The following PDCD2L variants were observed in gnomAD, a reference collection of about 807,000 sequenced individuals.
PDCD2L encodes the protein programmed cell death 2 like.
A neutral mutation model predicts 40.4 loss-of-function variants in PDCD2L; 44 were observed. That is an observed-to-expected ratio of 1.09 (90% confidence interval 0.86 to 1.40). The LOEUF (loss-of-function observed/expected upper bound fraction) is 1.40, where lower values mean the gene tolerates loss of function less well. Among genes scored for constraint, PDCD2L ranks in the 40% most tolerant of loss-of-function variants. PDCD2L has a pLI of 0.00. For missense variants in PDCD2L, 470 were observed against 453.7 expected, an observed-to-expected ratio of 1.04 and a Z score of -0.33; for synonymous variants, 194 against 174.6, an observed-to-expected ratio of 1.11 and a Z score of -0.88.
In PDCD2L at chr19:34,421,571, A is replaced by G. The variant is rs1422994605; in HGVS notation, c.850A>G (p.Thr284Ala). ...TTTGACCTGCCCTACATCAGAAGTC[A>G]CCGAGCTCCCAGCCTGCAGCCAGTG... ...LFLTCPTSEV[T>A]ELPACSQCGG... is the part of the protein sequence containing the mutation. The change falls in exon 6 of 7, where the codon ACC becomes GCC. Residue 284 changes from threonine to alanine, a missense_variant. Thr to Ala is a moderately conservative substitution (Grantham distance 58, BLOSUM62 0). Coordinates refer to ENST00000246535, the MANE Select transcript of PDCD2L (RefSeq NM_032346.2). 6.2e-7 allele frequency: 1 copy of G among 1,614,114 alleles called. No individual in the cohort carries two copies. Among genetic ancestry groups the G allele is most frequent in the South Asian group, 1.1e-5 (1 of 91,080 alleles).
intron 6 of PDCD2L, among the ~76,000 whole-genome samples, chr19:34,422,604 C>T (rs531292301): frequency 6.6e-6 from 1 of 151,880 alleles, no homozygotes; most frequent in Admixed American, 6.5e-5. Flanking sequence ...AATAATTTTC[C>T]TAAAATAGGA....
intron 3 of PDCD2L, chr19:34,408,954 C>T (rs534140180): frequency 3.4e-6 from 2 of 581,548 alleles, no homozygotes; most frequent in African/African-American, 1.9e-5. Flanking sequence ...TCACACTCAC[C>T]CCAAAAAGGA....
chr19:34,413,183 C>T (rs1235415693), intron 4 of PDCD2L, among the ~76,000 whole-genome samples: 3 of 151,818 alleles, frequency 2.0e-5, no homozygotes, highest in Admixed American at 1.3e-4. Flanking sequence ...GGATTACAGG[C>T]GCCCGCCACC....
Position 34,404,697 on chromosome 19 carries a change from G to T in PDCD2L, c.157G>T (p.Gly53Trp). ...GCCCAGGCCCGTGTGTCAGCGCTGCGGGCAGCCGCTCGCTCTGGTCGTGCA... is the reference window on the plus strand; with the variant it reads ...GCCCAGGCCCGTGTGTCAGCGCTGCTGGCAGCCGCTCGCTCTGGTCGTGCA... ...AAPRPVCQRC[G>W]QPLALVVQVY... Residue 53 changes from glycine to tryptophan, a missense_variant, in exon 2 of 7, where the codon GGG (glycine) becomes TGG (tryptophan). Gly to Trp is a radical substitution (Grantham distance 184, BLOSUM62 -2). Transcript: ENST00000246535. 4 of 1,612,108 alleles carry T rather than the reference G, an allele frequency of 2.5e-6. No individual in the cohort carries two copies. The highest frequency in any genetic ancestry group is 1.7e-6 in the Non-Finnish European group (2 of 1,179,812).
chr19:34,423,661 ATGT>A (rs2075163268), intron 6 of PDCD2L, among the ~76,000 whole-genome samples: 2 of 151,384 alleles, frequency 1.3e-5, no homozygotes, highest in South Asian at 4.2e-4. Flanking sequence ...CGCCCTGCTA[ATGT>A]TGTATTTTTA....
intron 4 of PDCD2L, among the ~76,000 whole-genome samples, chr19:34,410,397 A>G (rs920037132): frequency 6.6e-6 from 1 of 151,994 alleles, no homozygotes; most frequent in African/African-American, 2.4e-5. Flanking sequence ...GATTATAGCC[A>G]TGTGCCACCA....
chr19:34,416,563 C>G (rs1474257390), intron 5 of PDCD2L, among the ~76,000 whole-genome samples: 12 of 152,188 alleles, frequency 7.9e-5, no homozygotes, highest in Admixed American at 7.9e-4. Context: ...CCCCAGTTTC[C>G]TCTTTTACCA....
At chr19:34,410,398 T>A (rs573286300) in intron 4 of PDCD2L, among the ~76,000 whole-genome samples, 46 of 152,164 alleles carry the variant, frequency 3.0e-4, no homozygotes, top group African/African-American at 9.9e-4. Flanking sequence ...ATTATAGCCA[T>A]GTGCCACCAT....
chr19:34,412,872 G>A (rs562713888), intron 4 of PDCD2L, among the ~76,000 whole-genome samples: 11 of 151,330 alleles, frequency 7.3e-5, no homozygotes, highest in East Asian at 1.9e-4. Flanking sequence ...TGGAATAGCC[G>A]GGACCACAGG....
rs772074258 is a variant in PDCD2L at position 34,409,306 on chromosome 19, G to A, written c.482G>A (p.Arg161Gln). The change falls in exon 4 of 7, where the codon CGG becomes CAG. Residue 161 changes from arginine to glutamine, a missense_variant. By Grantham distance (43) the Arg-to-Gln change is conservative. Coordinates refer to ENST00000246535, the MANE Select transcript of PDCD2L (RefSeq NM_032346.2). ...GCCAAAGACGTAGACTGGACTGCTC[G>A]GCTCCAAGACCTCCGCCTGCAGGAT... ...SSAKDVDWTA[R>Q]LQDLRLQDAV... 34 of 1,613,968 alleles carry A rather than the reference G, an allele frequency of 2.1e-5. No homozygotes were observed. The South Asian group carries it at 3.2e-4, about 15-fold the overall frequency.
chr19:34,409,680 G>C (rs2075093598), intron 4 of PDCD2L, among the ~76,000 whole-genome samples, 170 bp downstream of exon 4: 1 of 152,152 alleles, frequency 6.6e-6, no homozygotes, highest in African/African-American at 2.4e-5. Context: ...TGAAAACCCT[G>C]CTCTATTTAT....
intron 4 of PDCD2L, among the ~76,000 whole-genome samples, chr19:34,410,786 A>ATTTATTTATT (rs1487128014): frequency 6.6e-6 from 1 of 150,428 alleles, no homozygotes; most frequent in African/African-American, 2.4e-5. Flanking sequence ...TTATTTATTT[A>ATTTATTTATT]TTTATTTATT....
intron 1 of PDCD2L, 30 bp from the exon 2 acceptor site, chr19:34,404,619 G>A: frequency 6.2e-7 from 1 of 1,603,324 alleles, no homozygotes. Context: ...GGGGGGAGTC[G>A]GGGTCTGAGC....
chr19:34,421,444 T>A, intron 5 of PDCD2L, 75 bp from the exon 6 acceptor site: 1 of 1,530,032 alleles, frequency 6.5e-7, no homozygotes, highest in Non-Finnish European at 8.9e-7. Context: ...AAAGAAAGGT[T>A]GCAAAGCATG....
At chr19:34,413,702 A>G in intron 4 of PDCD2L, 35 bp from the exon 5 acceptor site, 2 of 1,216,360 alleles carry the variant, frequency 1.6e-6, no homozygotes, top group Middle Eastern at 2.3e-4. Flanking sequence ...TTCTGGATAT[A>G]GACATTCAAA....
chr19:34,425,469 AT>A (rs767827228), intron 6 of PDCD2L, among the ~76,000 whole-genome samples: 176 of 141,564 alleles, frequency 1.2e-3, no homozygotes, highest in Admixed American at 1.3e-3. Flanking sequence ...CACCCAGTGA[AT>A]TTTTTTTTTT....
At chr19:34,421,462 A>T in intron 5 of PDCD2L, 57 bp from the exon 6 acceptor site, 1 of 1,595,654 alleles carries the variant, frequency 6.3e-7, no homozygotes, top group Admixed American at 1.7e-5. Context: ...ATGGCCTTAG[A>T]TGCTAGAATG....
At chr19:34,425,007 A>G (rs189180925) in intron 6 of PDCD2L, among the ~76,000 whole-genome samples, 48 of 152,122 alleles carry the variant, frequency 3.2e-4, no homozygotes, top group Admixed American at 1.6e-3. Context: ...CAGCCTCCCA[A>G]TGTGCTGGGA....
intron 5 of PDCD2L, among the ~76,000 whole-genome samples, chr19:34,419,611 G>T (rs1214629824): frequency 6.6e-6 from 1 of 151,660 alleles, no homozygotes; most frequent in Admixed American, 6.6e-5. Flanking sequence ...CAAAGTGCTA[G>T]GGTTATAGGC....
Sources: gnomAD v4.1 joint callset for allele counts (sites outside exome capture counted in the v4.1 genomes callset) on GRCh38, gnomAD v4.1.1 for gene constraint, MANE v1.5 for transcripts, NCBI Gene and HGNC (gene_info 2026-07-23, HGNC 2026-07-21) for gene names.